The following ZNF607 variants were observed in gnomAD, a reference collection of about 807,000 sequenced individuals.
ZNF607 encodes zinc finger protein 607.
A neutral mutation model predicts 12.8 loss-of-function variants in ZNF607; 5 were observed. That is an observed-to-expected ratio of 0.39 (90% CI 0.20 to 0.82). The LOEUF (loss-of-function observed/expected upper bound fraction) is 0.82. ZNF607 is among the 40% of genes least tolerant of loss of function. ZNF607 has a pLI of 0.39. For missense variants in ZNF607, 851 were observed against 859.2 expected, an observed-to-expected ratio of 0.99 and a Z score of 0.12; for synonymous variants, 287 against 276.2, an observed-to-expected ratio of 1.04 and a Z score of -0.39.
chr19:37,718,478 C>T (rs528502811), intron 1 of ZNF607, among the ~76,000 whole-genome samples: 1 of 152,212 alleles, frequency 6.6e-6, no homozygotes, highest in South Asian at 2.1e-4. Context: ...GAATTCAAGG[C>T]CGTGTTTGTT....
intron 4 of ZNF607, among the ~76,000 whole-genome samples, chr19:37,703,113 T>G (rs986541073): frequency 1.3e-5 from 2 of 151,796 alleles, no homozygotes; most frequent in Middle Eastern, 3.2e-3. Context: ...TCACCATGCC[T>G]GGCTAATTTT....
In ZNF607 at chr19:37,698,715, T is replaced by C. The variant is rs2075284; in HGVS notation, c.1416A>G (p.Thr472=). The C allele has an allele frequency of 0.79, 1,279,718 of 1,613,666 alleles. 514,709 individuals are homozygous for C. Among genetic ancestry groups the C allele is most frequent in the Non-Finnish European group, 0.83 (979,485 of 1,179,920 alleles). ...CTTGACATACATAGGGTTTCTCTCC[T>C]GTATGAATTCTCTCATGTATAACAA... The part of the protein sequence containing the change: ...SYLVIHERIH[T]GEKPYVCQEC... The change falls in exon 5 of 5, where the codon ACA becomes ACG. Residue 472 remains threonine (T), a synonymous_variant. Transcript: ENST00000355202.
chr19:37,709,858 C>T, intron 2 of ZNF607, 36 bp from the exon 3 acceptor site: 1 of 1,602,756 alleles, frequency 6.2e-7, no homozygotes, highest in East Asian at 2.2e-5. Flanking sequence ...TGGGGAAATT[C>T]CAAAATGGAG....
Position 37,699,266 on chromosome 19 carries a change from C to T in ZNF607, c.865G>A (p.Ala289Thr). The change falls in exon 5 of 5, where the codon GCC becomes ACC. Residue 289 changes from alanine (A) to threonine (T), a missense_variant. Transcript: ENST00000355202. Reference sequence around the variant, plus strand: ...ACAAGGTGGGAAAACTGACGAAAGGCCTTTCCACATTCCTTACATTCATGT... The same window carrying T: ...ACAAGGTGGGAAAACTGACGAAAGGTCTTTCCACATTCCTTACATTCATGT... ...KPHECKECGK[A>T]FRQFSHLVGH... The T allele has an allele frequency of 1.2e-6, 2 of 1,614,032 alleles. No individual in the cohort carries two copies. Among genetic ancestry groups the T allele is most frequent in the African/African-American group, 2.7e-5 (2 of 74,984 alleles).
Position 37,707,974 on chromosome 19 carries a change from A to G in ZNF607, c.175T>C (p.Leu59=), listed in dbSNP as rs542639957. The change falls in exon 4 of 5, where the codon TTG becomes CTG. Residue 59 remains leucine (L), a synonymous_variant. Transcript: ENST00000355202. ...SVSKPDLITL[L]EQGKEPWMIV... is the part of the protein sequence containing the mutation. ...ATCCATGGCTCTTTTCCTTGCTCCAATAAGGTGATTAAATCTGGCTTAGAT... is the reference window on the plus strand; with the variant it reads ...ATCCATGGCTCTTTTCCTTGCTCCAGTAAGGTGATTAAATCTGGCTTAGAT... 405 of 1,614,070 alleles carry G rather than the reference A, an allele frequency of 2.5e-4. No homozygotes were observed. The highest frequency in any genetic ancestry group is 3.2e-4 in the Non-Finnish European group (375 of 1,179,988).
intron 3 of ZNF607, among the ~76,000 whole-genome samples, chr19:37,708,440 C>T (rs2045105066): frequency 6.6e-6 from 1 of 151,932 alleles, no homozygotes; most frequent in South Asian, 2.1e-4. Context: ...GTGATCCGCT[C>T]ATCTGGGCCT....
In ZNF607 at chr19:37,698,144, G is replaced by GTAT. The variant is rs1306507965; in HGVS notation, c.1984_1986dup (p.Ile662dup). The GTAT allele has an allele frequency of 6.2e-7, 1 of 1,613,988 alleles. No homozygotes were observed. The highest frequency in any genetic ancestry group is 1.1e-5 in the South Asian group (1 of 91,076). On this transcript the variant is annotated inframe_insertion, in exon 5 of 5. Coordinates refer to ENST00000355202, the MANE Select transcript of ZNF607 (RefSeq NM_032689.5). Reference sequence around the variant, plus strand: ...TTCTCACCAGTATGAACTCTATGATGTATACTAAGTTCATGGCTACTATTA... The same window carrying GTAT: ...TTCTCACCAGTATGAACTCTATGATGTATTATACTAAGTTCATGGCTACTATTA...
intron 4 of ZNF607, among the ~76,000 whole-genome samples, chr19:37,703,022 G>C (rs2045052053): frequency 6.7e-6 from 1 of 149,784 alleles, no homozygotes; most frequent in African/African-American, 2.5e-5. Context: ...GTGTGATCTC[G>C]GCTCACTGCA....
chr19:37,699,985 C>G, intron 4 of ZNF607, 90 bp from the exon 5 acceptor site: 1 of 1,186,652 alleles, frequency 8.4e-7, no homozygotes, highest in Admixed American at 2.8e-5. Context: ...ATTACAGATG[C>G]TAACTCGAAA....
chr19:37,697,064 G>C lies in ZNF607; in HGVS notation c.*976C>G, dbSNP rs1047367358. 5.4e-6 allele frequency: 4 copies of C among 740,790 alleles called. No individual in the cohort carries two copies. The African/African-American group carries it at 6.9e-5, about 13-fold the overall frequency. 45.9% of individuals were successfully genotyped at this position (740,790 alleles called of 1,614,324 possible). ...TGAACGGCAGCACACACTCATCGTA[G>C]TCCTCTCCAATGCTGGTGAAGATGC... On this transcript the variant is annotated 3_prime_UTR_variant, in exon 5 of 5. Transcript: ENST00000355202.
chr19:37,714,563 CAA>C (rs56081124), intron 1 of ZNF607, among the ~76,000 whole-genome samples: 22,459 of 107,982 alleles, frequency 0.21, 1,867 homozygotes, highest in Middle Eastern at 0.31. Flanking sequence ...GACCCCATCT[CAA>C]AAAAAAAAAA....
rs2044997376 is a variant in ZNF607 at position 37,698,338 on chromosome 19, A to C, written c.1793T>G (p.Phe598Cys). 3.7e-6 allele frequency: 6 copies of C among 1,614,000 alleles called. No individual in the cohort carries two copies. Among genetic ancestry groups the C allele is most frequent in the South Asian group, 3.3e-5 (3 of 90,954 alleles). Reference protein sequence around the residue: ...SYECKECGETFSHASHLIIHE... With the variant: ...SYECKECGETCSHASHLIIHE... ...AATAATAAGATGTGAAGCATGACTA[A>C]AAGTTTCCCCACATTCTTTACATTC... The change falls in exon 5 of 5, where the codon TTT becomes TGT. Residue 598 changes from phenylalanine (F) to cysteine (C), a missense_variant. Physicochemically the swap from Phe to Cys is radical, Grantham distance 205. Coordinates refer to ENST00000355202, the MANE Select transcript of ZNF607 (RefSeq NM_032689.5).
Position 37,702,847 on chromosome 19 carries a change from C to T in ZNF607, c.236-2952G>A, listed in dbSNP as rs146315218. Among the ~76,000 whole-genome samples the T allele has an allele frequency of 5.9e-5, 9 of 152,064 alleles. No homozygotes were observed. In the South Asian group the frequency reaches 1.2e-3, roughly 21 times the overall value. The stretch of plus-strand genomic sequence containing the variant: ...GAACAATTCTATCTAGCTGGCGAAA[C>T]GTCATGTATATTGTATACTATAATA... On this transcript the variant is annotated intron_variant, in intron 4 of 4. Coordinates refer to ENST00000355202, the MANE Select transcript of ZNF607 (RefSeq NM_032689.5).
chr19:37,696,561 A>G lies in ZNF607; in HGVS notation c.*1479T>C, dbSNP rs1043713439. ...TGGGGTGAGGGCGAAAGGTGGTGTT[A>G]CGAATCATCGGGGCTGTGGCCCAGT... On this transcript the variant is annotated 3_prime_UTR_variant, in exon 5 of 5. Coordinates refer to ENST00000355202, the MANE Select transcript of ZNF607 (RefSeq NM_032689.5). 265 of 494,442 alleles carry G rather than the reference A, an allele frequency of 5.4e-4. 1 individual carries two copies. Among genetic ancestry groups the G allele is most frequent in the Non-Finnish European group, 7.4e-5 (20 of 272,000 alleles). The allele number at this position is 494,442 out of a possible 1,614,324, so 30.6% of individuals were successfully genotyped here.
intron 1 of ZNF607, among the ~76,000 whole-genome samples, chr19:37,716,842 C>T (rs2045180090): frequency 6.6e-6 from 1 of 152,102 alleles, no homozygotes; most frequent in Admixed American, 6.5e-5. Context: ...GGAGAGGGTA[C>T]ATGTGTCATT....
Position 37,701,665 on chromosome 19 carries a change from T to A in ZNF607, c.236-1770A>T, listed in dbSNP as rs143053502. 4.3e-3 allele frequency among the ~76,000 whole-genome samples: 661 copies of A among 152,172 alleles called. 7 individuals carry two copies. Among genetic ancestry groups the A allele is most frequent in the Non-Finnish European group, 4.3e-3 (295 of 67,994 alleles). Reference sequence around the variant, plus strand: ...CAAGTACCTTACCTTGCTGAAAATTTAAAAAAAAGAAAATTTTATATTCGA... The same window carrying A: ...CAAGTACCTTACCTTGCTGAAAATTAAAAAAAAAGAAAATTTTATATTCGA... On this transcript the variant is annotated intron_variant, in intron 4 of 4. Coordinates refer to ENST00000355202, the MANE Select transcript of ZNF607 (RefSeq NM_032689.5).
At position 37,698,503 on chromosome 19, in the gene ZNF607, C is replaced by T; in HGVS notation, c.1628G>A (p.Arg543Lys). Reference sequence around the variant, plus strand: ...ATGGGCTTTAAGTACAGAAATGAACCTAAAAGACTTCCCGCATTTGTTGCA... The same window carrying T: ...ATGGGCTTTAAGTACAGAAATGAACTTAAAAGACTTCCCGCATTTGTTGCA... Reference protein sequence around the residue: ...FECNKCGKSFRFISVLKAHQN... With the variant: ...FECNKCGKSFKFISVLKAHQN... Residue 543 changes from arginine to lysine, a missense_variant, in exon 5 of 5, where the codon AGG becomes AAG. By Grantham distance (26) the Arg-to-Lys change is conservative. Transcript: ENST00000355202. 1.2e-6 allele frequency: 2 copies of T among 1,611,866 alleles called. No homozygotes were observed. The highest frequency in any genetic ancestry group is 1.7e-6 in the Non-Finnish European group (2 of 1,178,166).
At chr19:37,702,546 T>A (rs2045048461) in intron 4 of ZNF607, among the ~76,000 whole-genome samples, 1 of 152,206 alleles carries the variant, frequency 6.6e-6, no homozygotes, top group Admixed American at 6.5e-5. Context: ...AGACTTACTA[T>A]ACAAAAAATG....
chr19:37,709,754 A>C lies in ZNF607; in HGVS notation c.78T>G (p.Val26=). 1 of 1,614,080 alleles carries C rather than the reference A, an allele frequency of 6.2e-7. No homozygotes were observed. The highest frequency in any genetic ancestry group is 8.5e-7 in the Non-Finnish European group (1 of 1,179,962). ...SHQEWEYLSL[V]QKTLYQEVMM... is the part of the protein sequence containing the mutation. ...TCACCTCCTGGTACAAGGTCTTCTGAACCAGGCTGAGATATTCCCACTCCT... is the reference window on the plus strand; with the variant it reads ...TCACCTCCTGGTACAAGGTCTTCTGCACCAGGCTGAGATATTCCCACTCCT... Residue 26 remains valine (V), a synonymous_variant, in exon 3 of 5, where the codon GTT becomes GTG. Coordinates refer to ENST00000355202, the MANE Select transcript of ZNF607 (RefSeq NM_032689.5).
Sources: allele counts gnomAD v4.1 joint callset (sites outside exome capture counted in the v4.1 genomes callset), GRCh38; gene constraint gnomAD v4.1.1; transcripts MANE v1.5; gene names NCBI Gene and HGNC (gene_info 2026-07-23, HGNC 2026-07-21).